The following MPP7 variants were observed in gnomAD, a reference collection of about 807,000 sequenced individuals.
MPP7 encodes the protein MAGUK p55 scaffold protein 7, also known as MAGUK p55 subfamily member 7.
In MPP7, 60 loss-of-function variants were observed where a neutral mutation model predicts 76.5. The ratio of observed to expected loss-of-function variants is 0.78; its 90% CI spans 0.64 to 0.97. MPP7 has a LOEUF of 0.97. Among genes scored for constraint, MPP7 ranks in the 50% least tolerant of loss-of-function variants. MPP7 has a pLI of 0.00. For missense variants in MPP7, 641 were observed against 694.0 expected (o/e 0.92, Z 0.86); for synonymous variants, 237 against 244.5 (o/e 0.97, Z 0.29).
intron 14 of MPP7, among the ~76,000 whole-genome samples, 169 bp from the exon 15 acceptor site, chr10:28,058,772 CT>C (rs1318185331): frequency 6.6e-6 from 1 of 152,016 alleles, no homozygotes; most frequent in African/African-American, 2.4e-5. Context: ...TTTAAAAAAT[CT>C]TTTATTATAC....
At chr10:28,262,908 T>C (rs1229974327) in intron 1 of MPP7, among the ~76,000 whole-genome samples, 2 of 152,010 alleles carry the variant, frequency 1.3e-5, no homozygotes, top group South Asian at 2.1e-4. Flanking sequence ...ATAAAAAAAT[T>C]AGCCAGGAGA....
At chr10:28,317,619 T>C (rs1454060230) in intron 2 of MPP7, among the ~76,000 whole-genome samples, 1 of 152,232 alleles carries the variant, frequency 6.6e-6, no homozygotes. Flanking sequence ...TAACCACAAT[T>C]GCTTTTATTT....
chr10:28,125,999 G>A (rs1835005565), intron 6 of MPP7, among the ~76,000 whole-genome samples: 1 of 152,110 alleles, frequency 6.6e-6, no homozygotes, highest in Non-Finnish European at 1.5e-5. Context: ...AGTGGCAGCA[G>A]AATTCATCCA....
intron 5 of MPP7, among the ~76,000 whole-genome samples, chr10:28,137,052 A>C (rs1461933425): frequency 1.3e-5 from 2 of 152,182 alleles, no homozygotes; most frequent in African/African-American, 4.8e-5. Flanking sequence ...AAAATGCTTA[A>C]AACCAGGAAG....
At chr10:28,256,624 T>A (rs1839795605) in intron 1 of MPP7, among the ~76,000 whole-genome samples, 1 of 152,212 alleles carries the variant, frequency 6.6e-6, no homozygotes, top group Admixed American at 6.5e-5. Flanking sequence ...GACTCGTTTT[T>A]AGGCTATAAT....
At chr10:28,120,529 T>C (rs1834802242) in intron 9 of MPP7, 65 bp downstream of exon 9, 1 of 1,521,116 alleles carries the variant, frequency 6.6e-7, no homozygotes, top group East Asian at 2.3e-5. Context: ...AAAGTGGATA[T>C]GTGTTGGATG....
At chr10:28,333,875 T>C (rs1251247430) in intron 1 of MPP7, among the ~76,000 whole-genome samples, 2 of 152,122 alleles carry the variant, frequency 1.3e-5, no homozygotes, top group African/African-American at 4.8e-5. Flanking sequence ...AATTTTTGTA[T>C]GGGCTGCACA....
chr10:28,304,564 AAG>A (rs1337310894), upstream of MPP7, among the ~76,000 whole-genome samples: 2 of 152,210 alleles, frequency 1.3e-5, no homozygotes, highest in Non-Finnish European at 2.9e-5. Flanking sequence ...GCCTAACAAA[AAG>A]AGTTTTTACC....
chr10:28,306,817 A>C (rs1230162510), upstream of MPP7, among the ~76,000 whole-genome samples: 6 of 152,220 alleles, frequency 3.9e-5, no homozygotes, highest in Admixed American at 2.6e-4. Context: ...AGTCCTCAGG[A>C]AGACCCAGAT....
Position 28,257,745 on chromosome 10 carries a change from TAAA to T in MPP7, c.-131-19013_-131-19011del, listed in dbSNP as rs66568214. Among the ~76,000 whole-genome samples, 1,193 of 142,068 alleles carry T rather than the reference TAAA, an allele frequency of 8.4e-3. 18 individuals carry two copies. Among genetic ancestry groups the T allele is most frequent in the African/African-American group, 0.029 (1,115 of 38,686 alleles). 93.2% of individuals were successfully genotyped at this position (142,068 alleles called of 152,430 possible). A position where few individuals can be genotyped will look rare whatever the true frequency, so the allele number is the denominator to read the frequency against. The stretch of plus-strand genomic sequence containing the variant: ...ATGTACCCTAAAACTTAAAGTATAA[TAAA>T]AAAAAAAAAAAAGAAAAGAAAGCTT... On this transcript the variant is annotated intron_variant, in intron 1 of 16. Coordinates refer to ENST00000683449, the MANE Select transcript of MPP7 (RefSeq NM_001318170.2).
intron 4 of MPP7, among the ~76,000 whole-genome samples, chr10:28,148,857 ACT>A (rs1332409408): frequency 6.6e-6 from 1 of 152,148 alleles, no homozygotes; most frequent in Non-Finnish European, 1.5e-5. Context: ...GTTTCCCAAA[ACT>A]CTGAATAGTA....
intron 11 of MPP7, among the ~76,000 whole-genome samples, chr10:28,094,366 C>A (rs1271813061): frequency 6.6e-6 from 1 of 152,184 alleles, no homozygotes; most frequent in Non-Finnish European, 1.5e-5. Context: ...GGCAGAGGAT[C>A]CGGACCAGTA....
At chr10:28,330,431 T>C (rs1189633105) in intron 1 of MPP7, among the ~76,000 whole-genome samples, 1 of 152,154 alleles carries the variant, frequency 6.6e-6, no homozygotes, top group Non-Finnish European at 1.5e-5. Flanking sequence ...CCTGCCCAAC[T>C]TAGCAAGATC....
chr10:28,096,515 G>C (rs562607022), intron 11 of MPP7, among the ~76,000 whole-genome samples: 1 of 151,946 alleles, frequency 6.6e-6, no homozygotes, highest in East Asian at 1.9e-4. Flanking sequence ...CATATACATA[G>C]GTATCTTTCA....
intron 2 of MPP7, among the ~76,000 whole-genome samples, chr10:28,212,140 T>C (rs1188877159): frequency 6.7e-6 from 1 of 149,648 alleles, no homozygotes; most frequent in African/African-American, 2.4e-5. Context: ...AATGAGTGAA[T>C]GAATGCATCA....
intron 11 of MPP7, among the ~76,000 whole-genome samples, chr10:28,090,611 A>G (rs1427469921): frequency 1.3e-5 from 2 of 152,236 alleles, no homozygotes; most frequent in East Asian, 3.9e-4. Context: ...CAACGTACCC[A>G]TGGCACAGGC....
intron 1 of MPP7, among the ~76,000 whole-genome samples, chr10:28,255,261 C>T (rs1415045463): frequency 6.6e-6 from 1 of 150,918 alleles, no homozygotes; most frequent in African/African-American, 2.4e-5. Context: ...TTACAGGTGC[C>T]CGCCACCACG....
At chr10:28,269,277 C>A (rs565740816) in intron 1 of MPP7, among the ~76,000 whole-genome samples, 16 of 152,276 alleles carry the variant, frequency 1.1e-4, no homozygotes, top group Non-Finnish European at 1.8e-4. Context: ...AATGCCATAG[C>A]CTCAATGCCC....
intron 2 of MPP7, among the ~76,000 whole-genome samples, chr10:28,213,402 T>C (rs1172595834): frequency 6.6e-6 from 1 of 152,020 alleles, no homozygotes; most frequent in Non-Finnish European, 1.5e-5. Flanking sequence ...TGAGGGAACA[T>C]GTGATAATTC....
Sources: gnomAD v4.1 joint callset for allele counts (sites outside exome capture counted in the v4.1 genomes callset) on GRCh38, gnomAD v4.1.1 for gene constraint, MANE v1.5 for transcripts, NCBI Gene and HGNC (gene_info 2026-07-23, HGNC 2026-07-21) for gene names.